ANAPC7: variants seen among roughly 807,000 people sequenced by gnomAD.
ANAPC7 encodes anaphase-promoting complex subunit 7.
ANAPC7 carries 25 observed loss-of-function variants against 63.3 expected under a neutral mutation model. That is an observed-to-expected ratio of 0.39 (90% CI 0.29 to 0.55). ANAPC7 has a LOEUF of 0.55. ANAPC7 is among the 20% of genes least tolerant of loss of function. The pLI is 0.57. For synonymous variants in ANAPC7, 241 were observed against 251.7 expected (o/e 0.96, Z 0.40); for missense variants, 516 against 691.7 (o/e 0.75, Z 2.85).
chr12:110,384,685 A>C (rs77384020), intron 6 of ANAPC7, among the ~76,000 whole-genome samples: 5,167 of 128,834 alleles, frequency 0.04, 298 homozygotes, highest in African/African-American at 0.14. Flanking sequence ...CAAAAAAAAA[A>C]CAAAAAAAAA....
At chr12:110,387,027 C>T (rs551438692) in intron 5 of ANAPC7, 238 of 152,434 alleles carry the variant, frequency 1.6e-3, no homozygotes, top group Middle Eastern at 3.4e-3. Flanking sequence ...CCCAGGAATT[C>T]AAGACCAGCT....
At chr12:110,398,843 G>A (rs572315286) in intron 1 of ANAPC7, among the ~76,000 whole-genome samples, 3 of 152,130 alleles carry the variant, frequency 2.0e-5, no homozygotes, top group African/African-American at 7.2e-5. Context: ...TATTCGGGAG[G>A]CTGAGGCAGG....
chr12:110,380,043 G>T (rs1191872507), intron 8 of ANAPC7, among the ~76,000 whole-genome samples: 1 of 152,142 alleles, frequency 6.6e-6, no homozygotes, highest in Non-Finnish European at 1.5e-5. Flanking sequence ...AAGGTAAGAT[G>T]GCCACGAAAA....
At chr12:110,378,646 C>A (rs1881525905) in intron 8 of ANAPC7, 1 of 152,060 alleles carries the variant, frequency 6.6e-6, no homozygotes. Flanking sequence ...AGTCAACTCT[C>A]AACTCTTCAT....
At position 110,382,456 on chromosome 12, in the gene ANAPC7, AAAAAAATAT is replaced by A. The variant is rs1303302055; in HGVS notation, c.935+378_935+386del. Among the ~76,000 whole-genome samples, 228 of 86,136 alleles carry A rather than the reference AAAAAAATAT, an allele frequency of 2.6e-3. 1 individual carries two copies. Among genetic ancestry groups the A allele is most frequent in the Middle Eastern group, 6.2e-3 (1 of 162 alleles). The allele number at this position is 86,136 out of a possible 152,430, so 56.5% of individuals were successfully genotyped here. A position where few individuals can be genotyped will look rare whatever the true frequency, so the allele number is the denominator to read the frequency against. On this transcript the variant is annotated intron_variant, in intron 7 of 10. Coordinates refer to ENST00000455511, the MANE Select transcript of ANAPC7 (RefSeq NM_016238.3). ...ATTATCCTTTTAAAAAAAAAAAAAA[AAAAAAATAT>A]ATATATATATATATATATATATATA...
chr12:110,375,855 A>C, intron 10 of ANAPC7: 4 of 1,272,630 alleles, frequency 3.1e-6, no homozygotes, highest in Non-Finnish European at 4.0e-6. Flanking sequence ...GATGGTTATG[A>C]GTGAAACAGT....
chr12:110,396,275 T>G lies in ANAPC7; in HGVS notation c.279A>C (p.Pro93=). The G allele has an allele frequency of 6.2e-7, 1 of 1,608,808 alleles. No homozygotes were observed. Among genetic ancestry groups the G allele is most frequent in the Non-Finnish European group, 8.5e-7 (1 of 1,178,196 alleles). ...TTCTATCTCCAATTACCTGACTTTG[T>G]GGAGTAGATGCAGAATTTCCAGTTG... The part of the protein sequence containing the change: ...RPSTGNSAST[P]QSQCLPSEIE... Residue 93 remains proline (P), a synonymous_variant, in exon 2 of 11, where the codon CCA becomes CCC. Coordinates refer to ENST00000455511, the MANE Select transcript of ANAPC7 (RefSeq NM_016238.3).
chr12:110,403,506 C>G (rs768287933), intron 1 of ANAPC7, 21 bp downstream of exon 1: 1 of 1,569,332 alleles, frequency 6.4e-7, no homozygotes, highest in Non-Finnish European at 8.6e-7. Flanking sequence ...CAGCCCCAGG[C>G]AGCTACCCGC....
chr12:110,395,811 T>TA (rs558404475), intron 2 of ANAPC7, among the ~76,000 whole-genome samples: 51 of 152,314 alleles, frequency 3.3e-4, no homozygotes, highest in Non-Finnish European at 6.3e-4. Context: ...GTGCTGGGAT[T>TA]ACAGGCGTGA....
In ANAPC7 at chr12:110,399,680, A is replaced by G. The variant is rs1404455617; in HGVS notation, c.102-3228T>C. Among the ~76,000 whole-genome samples, 9 of 151,444 alleles carry G rather than the reference A, an allele frequency of 5.9e-5. No homozygotes were observed. In the East Asian group the frequency reaches 1.7e-3, roughly 29 times the overall value. On this transcript the variant is annotated intron_variant, in intron 1 of 10. Transcript: ENST00000455511. ...GTGGCTTATGCCTATAATCCTAGCT[A>G]CTTAGAGGCTGAGGCAGGAGAATCG...
At position 110,396,364 on chromosome 12, in the gene ANAPC7, T is replaced by G; in HGVS notation, c.190A>C (p.Ser64Arg). Residue 64 changes from serine to arginine, a missense_variant, in exon 2 of 11, where the codon AGT becomes CGT. Physicochemically the swap from Ser to Arg is moderately radical, Grantham distance 110 (BLOSUM62 -1). This residue lies in a region of ANAPC7 where 185 missense variants were observed against 200.3 expected (regional missense o/e 0.92). Coordinates refer to ENST00000455511, the MANE Select transcript of ANAPC7 (RefSeq NM_016238.3). ...TGCTGTAAAGCCATGGTATACTTAC[T>G]CACAGCATTCCGATATTCCTTATCA... ...FHDKEYRNAVSKYTMALQQKK... is the reference protein window; with the variant it reads ...FHDKEYRNAVRKYTMALQQKK... 6.2e-7 allele frequency: 1 copy of G among 1,614,018 alleles called. No homozygotes were observed. The highest frequency in any genetic ancestry group is 8.5e-7 in the Non-Finnish European group (1 of 1,179,928).
chr12:110,375,481 G>T, intron 10 of ANAPC7: 1 of 983,548 alleles, frequency 1.0e-6, no homozygotes, highest in Non-Finnish European at 1.2e-6. Context: ...GTATTAAACA[G>T]TAAGAATACC....
intron 1 of ANAPC7, among the ~76,000 whole-genome samples, chr12:110,397,426 G>A (rs1232932709): frequency 1.3e-5 from 2 of 151,882 alleles, no homozygotes; most frequent in South Asian, 2.1e-4. Flanking sequence ...GGTGGCAGGC[G>A]CCTGTAGTCC....
In ANAPC7 at chr12:110,373,757, A is replaced by G. The variant is rs780341014; in HGVS notation, c.*387T>C. Reference sequence around the variant, plus strand: ...ATCGTGCTGCCATCCAACTTGGGAGATGACATTATCGTGCTGGGATGGTGG... The same window carrying G: ...ATCGTGCTGCCATCCAACTTGGGAGGTGACATTATCGTGCTGGGATGGTGG... On this transcript the variant is annotated 3_prime_UTR_variant, in exon 11 of 11. Coordinates refer to ENST00000455511, the MANE Select transcript of ANAPC7 (RefSeq NM_016238.3). 17 of 169,484 alleles carry G rather than the reference A, an allele frequency of 1.0e-4. No homozygotes were observed. Among genetic ancestry groups the G allele is most frequent in the Non-Finnish European group, 1.4e-4 (11 of 80,216 alleles). The allele number at this position is 169,484 out of a possible 1,614,324, so 10.5% of individuals were successfully genotyped here. A position where few individuals can be genotyped will look rare whatever the true frequency, so the allele number is the denominator to read the frequency against.
chr12:110,402,735 T>A (rs1361732639), intron 1 of ANAPC7, among the ~76,000 whole-genome samples: 12 of 151,366 alleles, frequency 7.9e-5, no homozygotes, highest in Admixed American at 7.9e-4. Context: ...ATTAATGGAG[T>A]CTCCCGTTTC....
chr12:110,374,256 T>G lies in ANAPC7; in HGVS notation c.1586A>C (p.Gln529Pro). The change falls in exon 11 of 11, where the codon CAG becomes CCG. Residue 529 changes from glutamine (Q) to proline (P), a missense_variant. Physicochemically the swap from Gln to Pro is moderately conservative, Grantham distance 76. Coordinates refer to ENST00000455511, the MANE Select transcript of ANAPC7 (RefSeq NM_016238.3). The stretch of plus-strand genomic sequence containing the variant: ...TTCCATGTCGTCCACATCCTCCTCC[T>G]GAGTGGCATCCGTGGGACTCTCCTC... ...EKEESPTDAT[Q>P]EEDVDDMEGS... 3 of 1,614,200 alleles carry G rather than the reference T, an allele frequency of 1.9e-6. No homozygotes were observed. Among genetic ancestry groups the G allele is most frequent in the Middle Eastern group, 1.6e-4 (1 of 6,062 alleles).
chr12:110,401,950 C>CAAAAAAAAA, intron 1 of ANAPC7, among the ~76,000 whole-genome samples: 1 of 46,108 alleles, frequency 2.2e-5, no homozygotes, highest in Non-Finnish European at 4.2e-5. Context: ...GACTCCGTCT[C>CAAAAAAAAA]AAAAAAAAAA....
chr12:110,386,235 T>C (rs910072203), intron 6 of ANAPC7, 92 bp downstream of exon 6: 18 of 1,540,752 alleles, frequency 1.2e-5, no homozygotes, highest in Non-Finnish European at 1.6e-5. Flanking sequence ...TCTATGAAAC[T>C]TGGTATCGAG....
chr12:110,383,947 AATC>A (rs1202836528), intron 6 of ANAPC7, among the ~76,000 whole-genome samples: 1 of 151,508 alleles, frequency 6.6e-6, no homozygotes, highest in African/African-American at 2.4e-5. Flanking sequence ...TCATGCCTGT[AATC>A]CCAGCACTTT....
Sources: gnomAD v4.1 joint callset for allele counts (sites outside exome capture counted in the v4.1 genomes callset) on GRCh38, gnomAD v4.1.1 for gene constraint, gnomAD v4.1.1 regional missense constraint, MANE v1.5 for transcripts, NCBI Gene and HGNC (gene_info 2026-07-23, HGNC 2026-07-21) for gene names.